PRDM16: variants seen among roughly 807,000 people sequenced by gnomAD.
PRDM16 encodes the protein histone-lysine N-methyltransferase PRDM16.
A neutral mutation model predicts 110.6 loss-of-function variants in PRDM16; 23 were observed. The observed-to-expected ratio is 0.21, with a 90% CI of 0.15 to 0.29. The LOEUF is 0.29. Among genes scored for constraint, PRDM16 ranks in the 10% least tolerant of loss-of-function variants. The pLI, the probability that PRDM16 is intolerant of heterozygous loss-of-function variation, is 1.00. For missense variants in PRDM16, 1,615 were observed against 1,794.3 expected, an observed-to-expected ratio of 0.90 and a Z score of 1.81; for synonymous variants, 799 against 781.8, an observed-to-expected ratio of 1.02 and a Z score of -0.37.
chr1:3,273,975 G>GAAAAAA (rs1569971594), intron 3 of PRDM16, among the ~76,000 whole-genome samples: 1 of 76,484 alleles, frequency 1.3e-5, no homozygotes, highest in African/African-American at 1.0e-4. Flanking sequence ...GTATGGGGAG[G>GAAAAAA]TAAAAAAAAA....
intron 1 of PRDM16, among the ~76,000 whole-genome samples, chr1:3,103,534 G>T (rs565232091): frequency 6.6e-6 from 1 of 152,350 alleles, no homozygotes; most frequent in Non-Finnish European, 1.5e-5. Flanking sequence ...GGGTCTCTGA[G>T]CATGACTGTT....
At position 3,174,915 on chromosome 1, in the gene PRDM16, C is replaced by T. The variant is rs142870698; in HGVS notation, c.38-11210C>T. Among the ~76,000 whole-genome samples the T allele has an allele frequency of 9.9e-3, 1,510 of 152,294 alleles. 29 individuals carry two copies. The highest frequency in any genetic ancestry group is 0.034 in the African/African-American group (1,410 of 41,552). On this transcript the variant is annotated intron_variant, in intron 1 of 16. Transcript: ENST00000270722. ...TTAATATTTAGCATGTTTGCAGAAA[C>T]GGCTTTCTCAGTGCTATCAATCTGC...
At position 3,213,077 on chromosome 1, in the gene PRDM16, C is replaced by T. The variant is rs575490406; in HGVS notation, c.387+26603C>T. On this transcript the variant is annotated intron_variant, in intron 2 of 16. Transcript: ENST00000270722. This position sits in a 1 kb window ranked among gnomAD's most constrained non-coding sequence, Gnocchi z 5.3. Reference sequence around the variant, plus strand: ...CTCGCCCGCCTGCCGCACGCTTCCCCGGGAGGCCGAGCTCAGGAAGACGCG... The same window carrying T: ...CTCGCCCGCCTGCCGCACGCTTCCCTGGGAGGCCGAGCTCAGGAAGACGCG... Among the ~76,000 whole-genome samples the T allele has an allele frequency of 4.3e-4, 65 of 152,318 alleles. No individual in the cohort carries two copies. The highest frequency in any genetic ancestry group is 1.4e-3 in the African/African-American group (60 of 41,576).
chr1:3,362,945 G>C (rs1008856217), intron 3 of PRDM16, among the ~76,000 whole-genome samples: 1 of 152,206 alleles, frequency 6.6e-6, no homozygotes, highest in South Asian at 2.1e-4. Flanking sequence ...CCAGCTCAGC[G>C]TGGTCTCGGG....
chr1:3,135,296 G>A (rs1321641162), intron 1 of PRDM16, among the ~76,000 whole-genome samples: 2 of 152,178 alleles, frequency 1.3e-5, no homozygotes, highest in Non-Finnish European at 1.5e-5. Context: ...GGAGGTCTGC[G>A]GTGGGGGCAG....
At chr1:3,428,533 AGGTCCCCGGGTCCAGCTGGCCT>A (rs1265942316) in intron 14 of PRDM16, among the ~76,000 whole-genome samples, 1 of 152,226 alleles carries the variant, frequency 6.6e-6, no homozygotes, top group Non-Finnish European at 1.5e-5. Context: ...TGCTGAGGCA[AGGTCCCCGGGTCCAGCTGGCCT>A]GGTCCTGAGA....
At chr1:3,113,731 C>T (rs1225254506) in intron 1 of PRDM16, among the ~76,000 whole-genome samples, 4 of 152,206 alleles carry the variant, frequency 2.6e-5, no homozygotes, top group East Asian at 1.9e-4. Flanking sequence ...CAGACATGGC[C>T]GCGTGCCCCA....
At position 3,208,776 on chromosome 1, in the gene PRDM16, G is replaced by T. The variant is rs1638812619; in HGVS notation, c.387+22302G>T. The T allele has an allele frequency of 6.6e-6, 1 of 152,282 alleles. No individual in the cohort carries two copies. Among genetic ancestry groups the T allele is most frequent in the Non-Finnish European group, 1.5e-5 (1 of 68,096 alleles). 9.4% of individuals were successfully genotyped at this position (152,282 alleles called of 1,614,324 possible). On this transcript the variant is annotated intron_variant, in intron 2 of 16. Transcript: ENST00000270722. The surrounding 1 kb of genome is among the most constrained non-coding windows in gnomAD (Gnocchi z 6.1). ...TGTAATGGAGAGCCACTGGTCAAAGGTATGGGCCACCATCCCCTTTGTGGG... is the reference window on the plus strand; with the variant it reads ...TGTAATGGAGAGCCACTGGTCAAAGTTATGGGCCACCATCCCCTTTGTGGG...
intron 1 of PRDM16, among the ~76,000 whole-genome samples, chr1:3,112,529 C>G (rs1463523640): frequency 6.6e-6 from 1 of 152,210 alleles, no homozygotes; most frequent in African/African-American, 2.4e-5. Context: ...CCCCAGGGCC[C>G]CGCTCAGTGG....
intron 3 of PRDM16, among the ~76,000 whole-genome samples, chr1:3,374,737 G>T (rs1642963966): frequency 6.6e-6 from 1 of 152,230 alleles, no homozygotes; most frequent in African/African-American, 2.4e-5. Context: ...CCTACTCACT[G>T]CAAGGGCTGG....
chr1:3,257,926 T>C (rs1225253539), intron 3 of PRDM16, among the ~76,000 whole-genome samples: 1 of 152,184 alleles, frequency 6.6e-6, no homozygotes, highest in Non-Finnish European at 1.5e-5. Flanking sequence ...GACAGCTGTG[T>C]CTAGGAAGCA....
At position 3,290,722 on chromosome 1, in the gene PRDM16, G is replaced by A. The variant is rs1047229796; in HGVS notation, c.438+46585G>A. ...GCTCCAGGGGGACGTGCAGGGAGTG[G>A]AAGAAACTCAAGCCGGGAGCTGTGG... is the stretch of plus-strand genomic sequence containing the variant. On this transcript the variant is annotated intron_variant, in intron 3 of 16. Transcript: ENST00000270722. The surrounding 1 kb of genome is among the most constrained non-coding windows in gnomAD (Gnocchi z 4.8). Among the ~76,000 whole-genome samples, 24 of 152,240 alleles carry A rather than the reference G, an allele frequency of 1.6e-4. 1 individual carries two copies. Among genetic ancestry groups the A allele is most frequent in the African/African-American group, 4.8e-4 (20 of 41,552 alleles).
chr1:3,285,494 TC>T (rs1456883495), intron 3 of PRDM16, among the ~76,000 whole-genome samples: 1 of 152,046 alleles, frequency 6.6e-6, no homozygotes, highest in Non-Finnish European at 1.5e-5. Context: ...GACGGACATG[TC>T]CCCTGCCTTC....
At position 3,234,706 on chromosome 1, in the gene PRDM16, T is replaced by C. The variant is rs1181653784; in HGVS notation, c.388-9381T>C. On this transcript the variant is annotated intron_variant, in intron 2 of 16. Coordinates refer to ENST00000270722, the MANE Select transcript of PRDM16 (RefSeq NM_022114.4). ...CCCAGGGGCCTGGCCCAGGTGAACA[T>C]GACCATGTAGCAGCTCGGTAAATTC... is the stretch of plus-strand genomic sequence containing the variant. Among the ~76,000 whole-genome samples the C allele has an allele frequency of 2.0e-5, 3 of 152,192 alleles. No homozygotes were observed. In the East Asian group the frequency reaches 5.8e-4, roughly 29 times the overall value.
intron 3 of PRDM16, among the ~76,000 whole-genome samples, chr1:3,269,086 CAGGT>C (rs1640367049): frequency 6.9e-6 from 1 of 143,958 alleles, no homozygotes; most frequent in South Asian, 2.1e-4. Flanking sequence ...GAACAGAAGA[CAGGT>C]GGGTGGGCTT....
At chr1:3,278,574 G>A (rs1294598029) in intron 3 of PRDM16, among the ~76,000 whole-genome samples, 1 of 152,230 alleles carries the variant, frequency 6.6e-6, no homozygotes, top group Non-Finnish European at 1.5e-5. Flanking sequence ...GCATGAAACA[G>A]GCCCTGGAAC....
At position 3,183,380 on chromosome 1, in the gene PRDM16, G is replaced by A. The variant is rs376020004; in HGVS notation, c.38-2745G>A. Among the ~76,000 whole-genome samples, 8 of 152,338 alleles carry A rather than the reference G, an allele frequency of 5.3e-5. No homozygotes were observed. The East Asian group carries it at 5.8e-4, about 11-fold the overall frequency. On this transcript the variant is annotated intron_variant, in intron 1 of 16. Coordinates refer to ENST00000270722, the MANE Select transcript of PRDM16 (RefSeq NM_022114.4). Reference sequence around the variant, plus strand: ...AGTGATCTGTGCCTGGCCTGCTGGAGCCTCCGTGCAGGCTTCCCGCTTTCT... The same window carrying A: ...AGTGATCTGTGCCTGGCCTGCTGGAACCTCCGTGCAGGCTTCCCGCTTTCT...
At chr1:3,198,933 G>A (rs928905597) in intron 2 of PRDM16, among the ~76,000 whole-genome samples, 12 of 152,144 alleles carry the variant, frequency 7.9e-5, no homozygotes, top group African/African-American at 2.7e-4. Context: ...GTAATTTCAC[G>A]AGCAGAGCTA....
In PRDM16 at chr1:3,411,746, A is replaced by T. The variant is rs759740047; in HGVS notation, c.1549A>T (p.Ile517Phe). ...CGCACTCACCCCCGGCTTCCCGGGC[A>T]TCTTCCCTCCATCCTTGTACCCCCG... is the stretch of plus-strand genomic sequence containing the variant. The part of the protein sequence containing the change: ...FPALTPGFPG[I>F]FPPSLYPRPP... The change falls in exon 9 of 17, where the codon ATC (isoleucine) becomes TTC (phenylalanine). Residue 517 changes from isoleucine (I) to phenylalanine (F), a missense_variant. Ile to Phe is a conservative substitution (Grantham distance 21). This residue lies in a region of PRDM16 where 772 missense variants were observed against 748.3 expected (regional missense o/e 1.03). Coordinates refer to ENST00000270722, the MANE Select transcript of PRDM16 (RefSeq NM_022114.4). 3.1e-6 allele frequency: 5 copies of T among 1,611,604 alleles called. No individual in the cohort carries two copies. The Admixed American group carries it at 5.0e-5, about 16-fold the overall frequency.
Sources: gnomAD v4.1 joint callset for allele counts (sites outside exome capture counted in the v4.1 genomes callset) on GRCh38, gnomAD v4.1.1 for gene constraint, gnomAD v4.1.1 regional missense constraint, Gnocchi (gnomAD v3.1) non-coding constraint, MANE v1.5 for transcripts, NCBI Gene and HGNC (gene_info 2026-07-23, HGNC 2026-07-21) for gene names.